Variants in PKIG observed in about 807,000 individuals in gnomAD.
PKIG encodes cAMP-dependent protein kinase inhibitor gamma, also known as protein kinase (cAMP-dependent, catalytic) inhibitor gamma.
PKIG carries 1 observed loss-of-function variant against 6.8 expected under a neutral mutation model. That is an observed-to-expected ratio of 0.15 (90% CI 0.05 to 0.69). The LOEUF is 0.69. Among genes scored for constraint, PKIG ranks in the 30% least tolerant of loss-of-function variants. The pLI is 0.82. For missense variants in PKIG, 77 were observed against 104.0 expected (o/e 0.74, Z 1.13); for synonymous variants, 39 against 43.0 (o/e 0.91, Z 0.36).
At chr20:44,561,938 T>C (rs777196829) in intron 1 of PKIG, among the ~76,000 whole-genome samples, 1 of 152,210 alleles carries the variant, frequency 6.6e-6, no homozygotes, top group South Asian at 2.1e-4. Flanking sequence ...AGCATCCATC[T>C]TGTAAGTCAG....
intron 2 of PKIG, among the ~76,000 whole-genome samples, chr20:44,593,539 T>C (rs993271788): frequency 6.6e-6 from 1 of 152,068 alleles, no homozygotes; most frequent in Non-Finnish European, 1.5e-5. Flanking sequence ...CTCAGTTATA[T>C]GTGGAATCTA....
chr20:44,562,489 C>T (rs985498833), intron 1 of PKIG, among the ~76,000 whole-genome samples: 1 of 151,276 alleles, frequency 6.6e-6, no homozygotes, highest in Non-Finnish European at 1.5e-5. Flanking sequence ...GTAGTCCCAG[C>T]CACTCAGGAT....
intron 2 of PKIG, among the ~76,000 whole-genome samples, chr20:44,599,055 T>C (rs1160345325): frequency 1.3e-5 from 2 of 152,260 alleles, no homozygotes; most frequent in Non-Finnish European, 2.9e-5. Flanking sequence ...AACAGGATGT[T>C]GCTTAAGCAT....
At chr20:44,575,442 C>T (rs1186340740) in intron 1 of PKIG, among the ~76,000 whole-genome samples, 2 of 152,210 alleles carry the variant, frequency 1.3e-5, no homozygotes, top group Non-Finnish European at 2.9e-5. Context: ...TGGTCTCAAA[C>T]TCCTGTCATG....
intron 2 of PKIG, among the ~76,000 whole-genome samples, chr20:44,609,927 T>C (rs553193722): frequency 6.6e-6 from 1 of 152,350 alleles, no homozygotes; most frequent in East Asian, 1.9e-4. Flanking sequence ...ATGGTACCTT[T>C]CCTTATCGTA....
At chr20:44,576,575 A>G (rs2064900089) in intron 1 of PKIG, among the ~76,000 whole-genome samples, 1 of 152,164 alleles carries the variant, frequency 6.6e-6, no homozygotes. Flanking sequence ...AGCAAGTGAG[A>G]GCCTCAAACC....
intron 1 of PKIG, among the ~76,000 whole-genome samples, chr20:44,573,568 C>T (rs2064871617): frequency 6.6e-6 from 1 of 152,126 alleles, no homozygotes; most frequent in South Asian, 2.1e-4. Context: ...CTGGACTATA[C>T]CGAACAAATG....
intron 1 of PKIG, among the ~76,000 whole-genome samples, chr20:44,537,652 A>G (rs2064524803): frequency 6.7e-6 from 1 of 149,146 alleles, no homozygotes; most frequent in African/African-American, 2.5e-5. Flanking sequence ...ATTTTGGCTC[A>G]CTGCACCCTT....
At chr20:44,582,518 A>G (rs983722439), upstream of PKIG, 1 of 152,344 alleles carries the variant, frequency 6.6e-6, no homozygotes, top group African/African-American at 2.4e-5. Context: ...GATTACAACA[A>G]ATGGGGACTT....
At chr20:44,612,954 G>A (rs1401760222) in intron 2 of PKIG, among the ~76,000 whole-genome samples, 4 of 152,110 alleles carry the variant, frequency 2.6e-5, no homozygotes, top group Admixed American at 2.0e-4. Flanking sequence ...CAAGCATGCT[G>A]GCACAAAATT....
chr20:44,600,703 G>A (rs244094), intron 2 of PKIG, among the ~76,000 whole-genome samples: 35,354 of 151,046 alleles, frequency 0.23, 5,464 homozygotes, highest in African/African-American at 0.45. Context: ...AAAAAAAAAA[G>A]AAGAAGAAAT....
intron 2 of PKIG, among the ~76,000 whole-genome samples, chr20:44,593,270 G>A (rs1287206196): frequency 1.3e-5 from 2 of 151,752 alleles, no homozygotes; most frequent in African/African-American, 4.8e-5. Flanking sequence ...TCGCATCAAG[G>A]CTGCAGTGAG....
At chr20:44,562,224 A>G (rs2064772922) in intron 1 of PKIG, among the ~76,000 whole-genome samples, 1 of 152,234 alleles carries the variant, frequency 6.6e-6, no homozygotes, top group African/African-American at 2.4e-5. Context: ...CCAAAGTATG[A>G]TTCTTAGAAA....
At chr20:44,600,492 C>T (rs1293326623) in intron 2 of PKIG, among the ~76,000 whole-genome samples, 1 of 152,000 alleles carries the variant, frequency 6.6e-6, no homozygotes, top group African/African-American at 2.4e-5. Context: ...ATTCCGGAGC[C>T]TGGGTGGTGC....
intron 2 of PKIG, among the ~76,000 whole-genome samples, chr20:44,595,117 A>G (rs1445381197): frequency 1.3e-5 from 2 of 152,208 alleles, no homozygotes; most frequent in Non-Finnish European, 2.9e-5. Flanking sequence ...AGAGCCTCCA[A>G]ACCTTAAGAA....
intron 1 of PKIG, among the ~76,000 whole-genome samples, chr20:44,537,738 G>A (rs1196879382): frequency 2.0e-5 from 3 of 149,964 alleles, no homozygotes; most frequent in East Asian, 2.0e-4. Context: ...CCACCACACC[G>A]GCTATTTTTT....
Position 44,541,462 on chromosome 20 carries a change from A to G in PKIG, c.-241+9484A>G, listed in dbSNP as rs190363672. Reference sequence around the variant, plus strand: ...TGCCACCACATCCAGCTAATTTTAAAATTTTTTGTGGATACGGGATCTCTG... The same window carrying G: ...TGCCACCACATCCAGCTAATTTTAAGATTTTTTGTGGATACGGGATCTCTG... On this transcript the variant is annotated intron_variant, in intron 1 of 4. Coordinates refer to the PKIG transcript ENST00000372887. Among the ~76,000 whole-genome samples the G allele has an allele frequency of 8.6e-5, 13 of 151,214 alleles. No individual in the cohort carries two copies. In the East Asian group the frequency reaches 2.6e-3, roughly 30 times the overall value.
At chr20:44,531,985 AG>A (rs2064469902) in intron 1 of PKIG, 1 of 152,246 alleles carries the variant, frequency 6.6e-6, no homozygotes, top group South Asian at 2.1e-4. Context: ...GCAGGTGAGC[AG>A]GAGCCGGGCG....
chr20:44,570,124 C>T (rs887607354), intron 1 of PKIG, among the ~76,000 whole-genome samples: 2 of 152,154 alleles, frequency 1.3e-5, no homozygotes, highest in African/African-American at 2.4e-5. Flanking sequence ...GTGCAAGACC[C>T]TGTCTCGAAT....
Sources: gnomAD v4.1 joint callset for allele counts (sites outside exome capture counted in the v4.1 genomes callset) on GRCh38, gnomAD v4.1.1 for gene constraint, MANE v1.5 for transcripts, NCBI Gene and HGNC (gene_info 2026-07-23, HGNC 2026-07-21) for gene names.